NMNAT2: variants seen among roughly 807,000 people sequenced by gnomAD.
The protein encoded by NMNAT2 is nicotinamide nucleotide adenylyltransferase 2.
NMNAT2 carries 11 observed loss-of-function variants against 41.6 expected under a neutral mutation model. The observed-to-expected ratio is 0.26, with a 90% CI of 0.17 to 0.44. NMNAT2 has a LOEUF of 0.44. Among genes scored for constraint, NMNAT2 ranks in the 20% least tolerant of loss-of-function variants. NMNAT2 has a pLI of 1.00. For missense variants in NMNAT2, 288 were observed against 407.7 expected (o/e 0.71, Z 2.53); for synonymous variants, 148 against 151.2 (o/e 0.98, Z 0.16).
chr1:183,344,491 G>C (rs914672602), intron 1 of NMNAT2, among the ~76,000 whole-genome samples: 4 of 152,138 alleles, frequency 2.6e-5, no homozygotes, highest in Non-Finnish European at 4.4e-5. Context: ...AACACTGTCA[G>C]GTGTTTGAGA....
chr1:183,405,714 G>A (rs913941035), intron 1 of NMNAT2, among the ~76,000 whole-genome samples: 3 of 152,218 alleles, frequency 2.0e-5, no homozygotes, highest in East Asian at 1.9e-4. Context: ...TTGTAGAGAC[G>A]AAGTCTCACT....
chr1:183,362,374 T>C (rs1483869757), intron 1 of NMNAT2, among the ~76,000 whole-genome samples: 1 of 152,184 alleles, frequency 6.6e-6, no homozygotes, highest in African/African-American at 2.4e-5. Flanking sequence ...AACATTTTCA[T>C]CACCCAAAAA....
At chr1:183,357,121 T>C (rs1663209446) in intron 1 of NMNAT2, among the ~76,000 whole-genome samples, 1 of 151,570 alleles carries the variant, frequency 6.6e-6, no homozygotes, top group Admixed American at 6.6e-5. Context: ...TGGAGAACGT[T>C]GGTGAGGTTT....
rs554911662 is a variant in NMNAT2 at position 183,265,606 on chromosome 1, A to G, written c.652-4303T>C. On this transcript the variant is annotated intron_variant, in intron 8 of 10. Transcript: ENST00000287713. ...AATTGCTCAGACACAAAGCTTTGGT[A>G]TTTTCCTTGATTCCTCTCTTTCTCT... 2.3e-4 allele frequency among the ~76,000 whole-genome samples: 35 copies of G among 152,036 alleles called. 1 individual carries two copies. The highest frequency in any genetic ancestry group is 4.6e-4 in the Non-Finnish European group (31 of 68,014).
At chr1:183,376,673 C>A (rs1663685776) in intron 1 of NMNAT2, among the ~76,000 whole-genome samples, 1 of 152,104 alleles carries the variant, frequency 6.6e-6, no homozygotes, top group African/African-American at 2.4e-5. Flanking sequence ...CCATAAAATT[C>A]AAACCTGGAA....
intron 8 of NMNAT2, among the ~76,000 whole-genome samples, chr1:183,262,759 G>C (rs1660695563): frequency 6.6e-6 from 1 of 152,146 alleles, no homozygotes; most frequent in African/African-American, 2.4e-5. Context: ...TTTTTAAAGA[G>C]CCTGAAAGTT....
At chr1:183,283,810 A>C in intron 7 of NMNAT2, 185 bp downstream of exon 7, 1 of 661,820 alleles carries the variant, frequency 1.5e-6, no homozygotes, top group Non-Finnish European at 2.8e-6. Flanking sequence ...GAGTCCAGTT[A>C]AGAGATGTTA....
chr1:183,390,975 A>C (rs1443449128), intron 1 of NMNAT2, among the ~76,000 whole-genome samples: 1 of 152,234 alleles, frequency 6.6e-6, no homozygotes, highest in Non-Finnish European at 1.5e-5. Context: ...CACAAGTTTC[A>C]GGCAAAACTT....
intron 1 of NMNAT2, among the ~76,000 whole-genome samples, chr1:183,367,855 G>T (rs999116022): frequency 6.6e-6 from 1 of 152,154 alleles, no homozygotes; most frequent in Non-Finnish European, 1.5e-5. Flanking sequence ...GTGCCCAGTG[G>T]ATTGTCTCAG....
chr1:183,252,716 A>T lies in NMNAT2; in HGVS notation c.849T>A (p.His283Gln). The T allele has an allele frequency of 6.2e-7, 1 of 1,614,076 alleles. No individual in the cohort carries two copies. Among genetic ancestry groups the T allele is most frequent in the Non-Finnish European group, 8.5e-7 (1 of 1,179,964 alleles). ...SRLALQHGDGHVVDYLSQPVI... is the reference protein window; with the variant it reads ...SRLALQHGDGQVVDYLSQPVI... ...CCGGCTGGGACAGGTAATCCACAAC[A>T]TGGCCGTCCCCATGCTGCAGGGCCA... Residue 283 changes from histidine (H) to glutamine (Q), a missense_variant, in exon 11 of 11, where the codon CAT becomes CAA. This residue lies in a region of NMNAT2 where 181 missense variants were observed against 213.7 expected (regional missense o/e 0.85). Coordinates refer to ENST00000287713, the MANE Select transcript of NMNAT2 (RefSeq NM_015039.4).
chr1:183,313,193 A>G (rs764562530), intron 1 of NMNAT2, among the ~76,000 whole-genome samples: 15 of 152,126 alleles, frequency 9.9e-5, no homozygotes, highest in Non-Finnish European at 2.2e-4. Context: ...AGAACAAAGA[A>G]CCATTTCTTG....
chr1:183,313,071 C>G (rs1042545930), intron 1 of NMNAT2, among the ~76,000 whole-genome samples: 2 of 152,140 alleles, frequency 1.3e-5, no homozygotes, highest in Non-Finnish European at 2.9e-5. Flanking sequence ...TCTAATTTCT[C>G]TCTCCCACTG....
At chr1:183,344,454 T>G (rs769025758) in intron 1 of NMNAT2, among the ~76,000 whole-genome samples, 4 of 152,140 alleles carry the variant, frequency 2.6e-5, no homozygotes, top group Non-Finnish European at 5.9e-5. Context: ...TCCATATAAT[T>G]GTTTGATGGC....
At chr1:183,327,119 C>T (rs903737774) in intron 1 of NMNAT2, among the ~76,000 whole-genome samples, 3 of 152,076 alleles carry the variant, frequency 2.0e-5, no homozygotes, top group Non-Finnish European at 4.4e-5. Flanking sequence ...GGTGCAATCT[C>T]GGCTCACTGC....
At chr1:183,309,281 T>C (rs1346721855) in intron 1 of NMNAT2, among the ~76,000 whole-genome samples, 1 of 152,230 alleles carries the variant, frequency 6.6e-6, no homozygotes, top group Non-Finnish European at 1.5e-5. Flanking sequence ...ATTATAGGCA[T>C]GAGCCACTGT....
intron 1 of NMNAT2, among the ~76,000 whole-genome samples, chr1:183,404,186 C>T (rs1357508360): frequency 1.3e-5 from 2 of 150,242 alleles, no homozygotes; most frequent in Non-Finnish European, 2.9e-5. Flanking sequence ...GCAACCTCTG[C>T]CTCCCAGGTT....
At chr1:183,271,186 A>T (rs966117711) in intron 8 of NMNAT2, among the ~76,000 whole-genome samples, 1 of 152,212 alleles carries the variant, frequency 6.6e-6, no homozygotes, top group Non-Finnish European at 1.5e-5. Flanking sequence ...CTCATTTGAA[A>T]TGCAAATACT....
At chr1:183,295,247 C>T (rs1368296997) in intron 1 of NMNAT2, among the ~76,000 whole-genome samples, 1 of 152,128 alleles carries the variant, frequency 6.6e-6, no homozygotes, top group Non-Finnish European at 1.5e-5. Flanking sequence ...AGTGATCTGC[C>T]TGCCTTGGCC....
intron 10 of NMNAT2, among the ~76,000 whole-genome samples, chr1:183,255,382 T>C (rs1660489425): frequency 1.3e-5 from 2 of 152,176 alleles, no homozygotes; most frequent in Non-Finnish European, 2.9e-5. Flanking sequence ...TCATAATTGC[T>C]TTGGCTATTC....
Sources: gnomAD v4.1 joint callset for allele counts (sites outside exome capture counted in the v4.1 genomes callset) on GRCh38, gnomAD v4.1.1 for gene constraint, gnomAD v4.1.1 regional missense constraint, MANE v1.5 for transcripts, NCBI Gene and HGNC (gene_info 2026-07-23, HGNC 2026-07-21) for gene names.